The following POU6F2 variants were observed in gnomAD, a reference collection of about 807,000 sequenced individuals.
POU6F2 encodes POU class 6 homeobox 2.
In POU6F2, 31 loss-of-function variants were observed where a neutral mutation model predicts 71.3. The ratio of observed to expected loss-of-function variants is 0.43; its 90% CI spans 0.33 to 0.59. POU6F2 has a LOEUF of 0.59. POU6F2 is among the 20% of genes least tolerant of loss of function. The pLI is 0.04. For synonymous variants in POU6F2, 347 were observed against 355.7 expected (o/e 0.98, Z 0.27); for missense variants, 783 against 856.8 (o/e 0.91, Z 1.07).
intron 4 of POU6F2, among the ~76,000 whole-genome samples, chr7:39,281,637 CT>C (rs1279876602): frequency 6.6e-6 from 1 of 152,066 alleles, no homozygotes; most frequent in African/African-American, 2.4e-5. Context: ...GAATTTCATC[CT>C]TTTTTATGGC....
rs556185087 is a variant in POU6F2, at chr7:39,313,942, T to A, written c.599-25700T>A. ...GCCGGATGTTTGCTGTCAGGGACCC[T>A]ATGGGAGAATTCCCTACCATCTAAA... On this transcript the variant is annotated intron_variant, in intron 4 of 9. Transcript: ENST00000518318. Among the ~76,000 whole-genome samples the A allele has an allele frequency of 3.3e-5, 5 of 152,316 alleles. No homozygotes were observed. The South Asian group carries it at 1.0e-3, about 32-fold the overall frequency.
intron 4 of POU6F2, among the ~76,000 whole-genome samples, chr7:39,318,008 C>A (rs1402185174): frequency 6.6e-6 from 1 of 152,150 alleles, no homozygotes; most frequent in Non-Finnish European, 1.5e-5. Context: ...GACTGTCTCA[C>A]TAGTAGGAAA....
intron 2 of POU6F2, among the ~76,000 whole-genome samples, chr7:39,147,326 A>G (rs1792644390): frequency 6.6e-6 from 1 of 152,238 alleles, no homozygotes; most frequent in African/African-American, 2.4e-5. Context: ...ACTAAGTATA[A>G]CATAATCAAG....
rs35837057 is a variant in POU6F2, at chr7:39,323,111, T to TAA, written c.599-16517_599-16516dup. On this transcript the variant is annotated intron_variant, in intron 4 of 9. Transcript: ENST00000518318. ...TGCTGAGAGAGAAGACAGGAAGATT[T>TAA]AAAAAAAAAAAAAAAGTCCTGCATA... Among the ~76,000 whole-genome samples, 273 of 141,968 alleles carry TAA rather than the reference T, an allele frequency of 1.9e-3. 2 individuals carry two copies. The highest frequency in any genetic ancestry group is 6.7e-3 in the African/African-American group (259 of 38,516). The allele number at this position is 141,968 out of a possible 152,430, so 93.1% of individuals were successfully genotyped here. A position where few individuals can be genotyped will look rare whatever the true frequency, so the allele number is the denominator to read the frequency against.
chr7:39,239,468 T>C (rs1030238792), intron 4 of POU6F2, among the ~76,000 whole-genome samples: 11 of 152,168 alleles, frequency 7.2e-5, no homozygotes, highest in Non-Finnish European at 1.3e-4. Flanking sequence ...TGCAGAAATA[T>C]TAATGTGCTT....
chr7:38,999,014 A>G (rs1222475662), intron 1 of POU6F2, among the ~76,000 whole-genome samples: 2 of 152,082 alleles, frequency 1.3e-5, no homozygotes, highest in East Asian at 3.9e-4. Context: ...AGGGCAAGGG[A>G]AGAAAGAGTA....
chr7:39,397,834 A>ATATATATATATATATATATATATAT (rs1395034721), intron 5 of POU6F2, among the ~76,000 whole-genome samples: 18 of 143,662 alleles, frequency 1.3e-4, no homozygotes, highest in African/African-American at 4.2e-4. Context: ...ATATATATAT[A>ATATATATATATATATATATATATAT]GTAGAGACGG....
chr7:38,997,100 G>C (rs1204893986), intron 1 of POU6F2, among the ~76,000 whole-genome samples: 3 of 152,196 alleles, frequency 2.0e-5, no homozygotes, highest in African/African-American at 7.2e-5. Context: ...AGCAGAGAAA[G>C]GCAGTGGGGC....
At position 39,097,099 on chromosome 7, in the gene POU6F2, CTT is replaced by C. The variant is rs1791470652; in HGVS notation, c.277+11070_277+11071del. ...TATCAAGTTTTTAACATTTTGCACT[CTT>C]TGAAATTACAGTGTCATTATATTTG... On this transcript the variant is annotated intron_variant, in intron 2 of 9. Coordinates refer to ENST00000518318, the MANE Select transcript of POU6F2 (RefSeq NM_001370959.1). Among the ~76,000 whole-genome samples, 2 of 152,068 alleles carry C rather than the reference CTT, an allele frequency of 1.3e-5. 1 individual carries two copies. The highest frequency in any genetic ancestry group is 1.3e-4 in the Admixed American group (2 of 15,260).
At chr7:39,157,089 AATTAGATATAGAATTG>A in intron 2 of POU6F2, among the ~76,000 whole-genome samples, 1 of 152,112 alleles carries the variant, frequency 6.6e-6, no homozygotes, top group African/African-American at 2.4e-5. Flanking sequence ...ACAGCCTGTA[AATTAGATATAGAATTG>A]AATACCGAGG....
intron 7 of POU6F2, among the ~76,000 whole-genome samples, chr7:39,437,962 A>G (rs1253581305): frequency 1.3e-5 from 2 of 150,716 alleles, no homozygotes; most frequent in East Asian, 3.9e-4. Context: ...TTTTATTATT[A>G]TACTTTAAGT....
chr7:39,338,708 A>G (rs1785839040), intron 4 of POU6F2, among the ~76,000 whole-genome samples: 1 of 152,236 alleles, frequency 6.6e-6, no homozygotes, highest in East Asian at 1.9e-4. Flanking sequence ...GGCAAAAAAG[A>G]AAGTGAACTT....
intron 5 of POU6F2, among the ~76,000 whole-genome samples, chr7:39,389,862 A>T (rs1466293430): frequency 1.3e-5 from 2 of 152,210 alleles, no homozygotes; most frequent in African/African-American, 4.8e-5. Flanking sequence ...TATGACTTTT[A>T]AAATAGACAC....
At chr7:39,228,773 T>C (rs1794519830) in intron 4 of POU6F2, among the ~76,000 whole-genome samples, 1 of 152,210 alleles carries the variant, frequency 6.6e-6, no homozygotes, top group African/African-American at 2.4e-5. Flanking sequence ...CAAGAAGAGA[T>C]GCTAAGTGGA....
intron 5 of POU6F2, among the ~76,000 whole-genome samples, chr7:39,361,296 C>T (rs1010700800): frequency 6.6e-6 from 1 of 152,178 alleles, no homozygotes; most frequent in Non-Finnish European, 1.5e-5. Flanking sequence ...GTATTGTACT[C>T]AGCAAGTATG....
At chr7:39,290,655 C>T (rs1318359197) in intron 4 of POU6F2, among the ~76,000 whole-genome samples, 1 of 152,066 alleles carries the variant, frequency 6.6e-6, no homozygotes, top group Non-Finnish European at 1.5e-5. Flanking sequence ...TTATGTTTTC[C>T]TCCTTAAGAG....
At position 39,238,211 on chromosome 7, in the gene POU6F2, GT is replaced by G. The variant is rs1206142720; in HGVS notation, c.598+30592del. Among the ~76,000 whole-genome samples the G allele has an allele frequency of 2.0e-5, 3 of 152,300 alleles. No individual in the cohort carries two copies. In the South Asian group the frequency reaches 6.2e-4, roughly 32 times the overall value. On this transcript the variant is annotated intron_variant, in intron 4 of 9. Coordinates refer to ENST00000518318, the MANE Select transcript of POU6F2 (RefSeq NM_001370959.1). The stretch of plus-strand genomic sequence containing the variant: ...CTCTCTAAACTCAGTTTGAGCATCT[GT>G]AAAATGAGCACAAAGATAGTACTCG...
chr7:39,184,885 C>A (rs1018754331), intron 2 of POU6F2, among the ~76,000 whole-genome samples: 1 of 151,930 alleles, frequency 6.6e-6, no homozygotes, highest in Admixed American at 6.6e-5. Flanking sequence ...AATATGTAAC[C>A]AGAACAAACA....
intron 2 of POU6F2, among the ~76,000 whole-genome samples, chr7:39,172,476 CTT>C (rs1240483208): frequency 1.3e-5 from 2 of 152,054 alleles, no homozygotes; most frequent in Non-Finnish European, 2.9e-5. Flanking sequence ...TCACTAGAAT[CTT>C]GTTATTTTCA....
Sources: gnomAD v4.1 joint callset for allele counts (sites outside exome capture counted in the v4.1 genomes callset) on GRCh38, gnomAD v4.1.1 for gene constraint, MANE v1.5 for transcripts, NCBI Gene and HGNC (gene_info 2026-07-23, HGNC 2026-07-21) for gene names.